The following TUBGCP3 variants were observed in gnomAD, a reference collection of about 807,000 sequenced individuals.
TUBGCP3 encodes the protein tubulin gamma complex component 3.
In TUBGCP3, 50 loss-of-function variants were observed where a neutral mutation model predicts 123.1. The observed-to-expected ratio is 0.41, with a 90% CI of 0.32 to 0.51. The LOEUF (loss-of-function observed/expected upper bound fraction) is 0.51, where lower values mean the gene tolerates loss of function less well. Among genes scored for constraint, TUBGCP3 ranks in the 20% least tolerant of loss-of-function variants. TUBGCP3 has a pLI of 0.36. For synonymous variants in TUBGCP3, 405 were observed against 413.9 expected (o/e 0.98, Z 0.26); for missense variants, 882 against 1,127.0 (o/e 0.78, Z 3.11).
intron 3 of TUBGCP3, among the ~76,000 whole-genome samples, chr13:112,563,870 G>A (rs1431988824): frequency 3.0e-5 from 4 of 131,368 alleles, no homozygotes; most frequent in Non-Finnish European, 6.3e-5. Context: ...GCAAGACTTC[G>A]CCTCAAAAAA....
intron 1 of TUBGCP3, among the ~76,000 whole-genome samples, chr13:112,580,131 T>C (rs1424526287): frequency 6.6e-6 from 1 of 152,110 alleles, no homozygotes; most frequent in African/African-American, 2.4e-5. Context: ...AGCGGAGACA[T>C]ACACAGACAC....
intron 10 of TUBGCP3, chr13:112,546,377 T>C (rs1444892459): frequency 1.3e-5 from 2 of 156,408 alleles, no homozygotes; most frequent in African/African-American, 4.8e-5. Flanking sequence ...CCGCTCTATG[T>C]AGAGAGAAGA....
chr13:112,567,085 T>C (rs1312530913), intron 2 of TUBGCP3, among the ~76,000 whole-genome samples: 4 of 152,224 alleles, frequency 2.6e-5, no homozygotes, highest in Non-Finnish European at 5.9e-5. Context: ...AGGAAAGGAC[T>C]ATAGGTGCTG....
intron 1 of TUBGCP3, among the ~76,000 whole-genome samples, chr13:112,582,014 A>G (rs1249073988): frequency 6.6e-6 from 1 of 152,208 alleles, no homozygotes; most frequent in African/African-American, 2.4e-5. Context: ...TGCTGATTAT[A>G]AAATATTTTT....
chr13:112,492,405 A>C (rs111947054), intron 20 of TUBGCP3, among the ~76,000 whole-genome samples: 1 of 152,266 alleles, frequency 6.6e-6, no homozygotes, highest in Admixed American at 6.5e-5. Context: ...ATAAAAAAGT[A>C]TAAAAACTCA....
In TUBGCP3 at chr13:112,504,035, G is replaced by T; in HGVS notation, c.2304C>A (p.Ser768=). ...TCTAAGCAGGTCGGAGTCTTACCCTGGAGTCACTGTCCAGCAGGCAGCGGG... is the reference window on the plus strand; with the variant it reads ...TCTAAGCAGGTCGGAGTCTTACCCTTGAGTCACTGTCCAGCAGGCAGCGGG... The part of the protein sequence containing the change: ...IISRCLLDSD[S]RALLNQLRAV... The change falls in exon 19 of 22, where the codon TCC becomes TCA. Residue 768 remains serine (S), a synonymous_variant. Coordinates refer to ENST00000261965, the MANE Select transcript of TUBGCP3 (RefSeq NM_006322.6). 1 of 1,611,308 alleles carries T rather than the reference G, an allele frequency of 6.2e-7. No homozygotes were observed. Among genetic ancestry groups the T allele is most frequent in the South Asian group, 1.1e-5 (1 of 90,602 alleles).
chr13:112,549,625 TTC>T (rs372747812), intron 8 of TUBGCP3, among the ~76,000 whole-genome samples: 150 of 152,280 alleles, frequency 9.9e-4, no homozygotes, highest in African/African-American at 3.3e-3. Context: ...CTAATTTTTG[TTC>T]TGTTTGCACT....
chr13:112,568,236 G>A (rs1881120640), intron 2 of TUBGCP3, among the ~76,000 whole-genome samples: 1 of 152,050 alleles, frequency 6.6e-6, no homozygotes, highest in Non-Finnish European at 1.5e-5. Context: ...AGGCCAAATG[G>A]ACTTCTAGAA....
intron 1 of TUBGCP3, among the ~76,000 whole-genome samples, chr13:112,570,012 T>C (rs1881277174): frequency 6.6e-6 from 1 of 152,034 alleles, no homozygotes. Context: ...AGGAAGGAAC[T>C]GGATACTCTC....
rs9577375 is a variant in TUBGCP3 at position 112,507,644 on chromosome 13, C to G, written c.2087-2930G>C. On this transcript the variant is annotated intron_variant, in intron 17 of 21. Transcript: ENST00000261965. Reference sequence around the variant, plus strand: ...CATGAAAGCTCAGGTCTGTGCTGCTCTGCTCCGCCTGCATTTCTGAGGCTT... The same window carrying G: ...CATGAAAGCTCAGGTCTGTGCTGCTGTGCTCCGCCTGCATTTCTGAGGCTT... 1.3e-3 allele frequency among the ~76,000 whole-genome samples: 193 copies of G among 152,316 alleles called. No individual in the cohort carries two copies. The East Asian group carries it at 0.022, about 18-fold the overall frequency.
At chr13:112,529,298 CCT>C (rs1178511205) in intron 11 of TUBGCP3, among the ~76,000 whole-genome samples, 2 of 152,200 alleles carry the variant, frequency 1.3e-5, no homozygotes, top group East Asian at 3.8e-4. Flanking sequence ...ACCATCCTTT[CCT>C]CTGAGCTAAG....
chr13:112,530,118 G>A (rs770955732), intron 11 of TUBGCP3, among the ~76,000 whole-genome samples: 19 of 152,182 alleles, frequency 1.2e-4, no homozygotes, highest in Non-Finnish European at 2.5e-4. Flanking sequence ...GATGGCCTCA[G>A]TTGATTTCAT....
In TUBGCP3 at chr13:112,504,707, G is replaced by T. The variant is rs759272130; in HGVS notation, c.2094C>A (p.Ser698=). 6.2e-7 allele frequency: 1 copy of T among 1,613,170 alleles called. No homozygotes were observed. Among genetic ancestry groups the T allele is most frequent in the Non-Finnish European group, 8.5e-7 (1 of 1,179,488 alleles). Residue 698 remains serine (S), a synonymous_variant, in exon 18 of 22, where the codon TCC becomes TCA. Transcript: ENST00000261965. The stretch of plus-strand genomic sequence containing the variant: ...AAATGTGACACTGGTGCAGCACCCC[G>T]GAGAACTCTGCAAGGGAAGAGTTGA... ...AKLLRNMPEF[S]GVLHQCHILA...
intron 6 of TUBGCP3, 79 bp downstream of exon 6, chr13:112,555,973 T>G: frequency 6.7e-7 from 1 of 1,485,620 alleles, no homozygotes; most frequent in Non-Finnish European, 9.1e-7. Flanking sequence ...GTGGGGCTCC[T>G]GGGCTGTACT....
intron 20 of TUBGCP3, among the ~76,000 whole-genome samples, chr13:112,496,862 T>TGTAG (rs1265708853): frequency 1.3e-5 from 2 of 152,018 alleles, no homozygotes; most frequent in African/African-American, 4.8e-5. Flanking sequence ...GGCAGGCACC[T>TGTAG]GTAGTCCCAG....
chr13:112,522,184 T>C, intron 14 of TUBGCP3, 136 bp downstream of exon 14: 2 of 921,166 alleles, frequency 2.2e-6, no homozygotes, highest in Non-Finnish European at 3.0e-6. Context: ...TTTACATTCT[T>C]TTCAGATTTT....
chr13:112,514,619 A>G (rs942581354), intron 17 of TUBGCP3, among the ~76,000 whole-genome samples: 2 of 152,242 alleles, frequency 1.3e-5, no homozygotes, highest in Non-Finnish European at 2.9e-5. Context: ...GTTAACAAAA[A>G]CAGTGATACA....
intron 20 of TUBGCP3, 175 bp downstream of exon 20, chr13:112,498,870 G>T: frequency 6.2e-7 from 1 of 1,610,374 alleles, no homozygotes; most frequent in Non-Finnish European, 8.5e-7. Context: ...AGTGAGGGTG[G>T]CCCCTCCCTC....
intron 10 of TUBGCP3, 114 bp downstream of exon 10, chr13:112,547,506 G>T (rs747730716): frequency 9.8e-6 from 13 of 1,330,700 alleles, no homozygotes; most frequent in Non-Finnish European, 1.3e-5. Context: ...TGCCAGACGC[G>T]CGTGGGAAAG....
Sources: gnomAD v4.1 joint callset for allele counts (sites outside exome capture counted in the v4.1 genomes callset) on GRCh38, gnomAD v4.1.1 for gene constraint, MANE v1.5 for transcripts, NCBI Gene and HGNC (gene_info 2026-07-23, HGNC 2026-07-21) for gene names.